CCDC91: variants seen among roughly 807,000 people sequenced by gnomAD.
CCDC91 encodes the protein coiled-coil domain-containing protein 91.
Under a neutral mutation model 63.2 loss-of-function variants are expected in CCDC91, and 48 were observed. The observed-to-expected ratio is 0.76, with a 90% CI of 0.60 to 0.97. The LOEUF is 0.97. CCDC91 is among the 50% of genes least tolerant of loss of function. The pLI, the probability that CCDC91 is intolerant of heterozygous loss-of-function variation, is 0.00. For missense variants in CCDC91, 500 were observed against 494.6 expected (o/e 1.01, Z -0.10); for synonymous variants, 167 against 165.8 (o/e 1.01, Z -0.06).
intron 12 of CCDC91, 189 bp downstream of exon 12, chr12:28,484,354 G>A (rs1467132953): frequency 1.6e-5 from 5 of 310,878 alleles, no homozygotes; most frequent in Non-Finnish European, 3.0e-5. Context: ...AATCCCATCT[G>A]TCAGCAAAAA....
At chr12:28,517,458 A>G (rs150775357) in intron 12 of CCDC91, among the ~76,000 whole-genome samples, 1 of 151,980 alleles carries the variant, frequency 6.6e-6, no homozygotes, top group Admixed American at 6.6e-5. Flanking sequence ...CTGTATGGGT[A>G]CTTCTGTAAA....
chr12:28,286,694 A>G (rs1450822796), intron 3 of CCDC91, among the ~76,000 whole-genome samples: 1 of 152,212 alleles, frequency 6.6e-6, no homozygotes. Flanking sequence ...TCTTTATGAT[A>G]CAACAATTTA....
intron 6 of CCDC91, among the ~76,000 whole-genome samples, chr12:28,340,352 C>T (rs1227422947): frequency 1.3e-5 from 2 of 152,144 alleles, no homozygotes; most frequent in Non-Finnish European, 2.9e-5. Context: ...TATCATAGGT[C>T]ATGCAACCTC....
At chr12:28,521,868 A>G (rs190415746) in intron 12 of CCDC91, among the ~76,000 whole-genome samples, 9 of 152,290 alleles carry the variant, frequency 5.9e-5, no homozygotes, top group Middle Eastern at 3.4e-3. Flanking sequence ...CATATGCTGG[A>G]TTACACTTAT....
chr12:28,435,188 G>A (rs779385927), intron 8 of CCDC91, among the ~76,000 whole-genome samples: 2 of 150,794 alleles, frequency 1.3e-5, no homozygotes, highest in Non-Finnish European at 3.0e-5. Flanking sequence ...ACTTTAATTT[G>A]CTCCTCTTTT....
intron 12 of CCDC91, among the ~76,000 whole-genome samples, chr12:28,491,685 A>T (rs73087912): frequency 2.0e-5 from 3 of 151,846 alleles, no homozygotes; most frequent in Non-Finnish European, 2.9e-5. Context: ...GCAAATTTAT[A>T]TATAAAAATT....
chr12:28,369,829 C>A (rs1016240843), intron 7 of CCDC91, among the ~76,000 whole-genome samples: 1 of 152,174 alleles, frequency 6.6e-6, no homozygotes, highest in Non-Finnish European at 1.5e-5. Context: ...GGGCTTACAC[C>A]CTCTGAGGCA....
chr12:28,242,871 T>C (rs1565660786), intron 1 of CCDC91, among the ~76,000 whole-genome samples: 1 of 151,996 alleles, frequency 6.6e-6, no homozygotes, highest in Non-Finnish European at 1.5e-5. Flanking sequence ...TGAGATCTGG[T>C]TTAAAAGTGT....
chr12:28,347,597 A>G (rs929226734), intron 6 of CCDC91, among the ~76,000 whole-genome samples: 1 of 152,050 alleles, frequency 6.6e-6, no homozygotes, highest in Admixed American at 6.5e-5. Context: ...TTTAACCCCA[A>G]TTTTGCTAGA....
chr12:28,541,568 A>T (rs1942634245), intron 12 of CCDC91, among the ~76,000 whole-genome samples: 1 of 152,114 alleles, frequency 6.6e-6, no homozygotes, highest in African/African-American at 2.4e-5. Context: ...ATAAAAGTTG[A>T]ATTGATAAAA....
At chr12:28,194,974 A>G (rs1487416949) in intron 1 of CCDC91, among the ~76,000 whole-genome samples, 5 of 152,188 alleles carry the variant, frequency 3.3e-5, no homozygotes, top group South Asian at 4.1e-4. Flanking sequence ...AGCAGCAGCA[A>G]GATTTATTGC....
At chr12:28,479,014 G>C (rs111801917) in intron 11 of CCDC91, among the ~76,000 whole-genome samples, 4 of 152,270 alleles carry the variant, frequency 2.6e-5, no homozygotes, top group African/African-American at 9.6e-5. Context: ...CACTGTTGGT[G>C]GGACTGTAAA....
chr12:28,466,303 T>G (rs899437865), intron 11 of CCDC91, among the ~76,000 whole-genome samples: 39 of 152,074 alleles, frequency 2.6e-4, no homozygotes, highest in African/African-American at 8.2e-4. Context: ...TATTCAAAGG[T>G]ATAATAACAG....
chr12:28,302,692 A>G, intron 3 of CCDC91: 5 of 967,578 alleles, frequency 5.2e-6, no homozygotes, highest in Non-Finnish European at 4.9e-6. Context: ...GCTTGAGCAA[A>G]TGGTTTTTTG....
intron 7 of CCDC91, among the ~76,000 whole-genome samples, chr12:28,374,161 C>T (rs902164529): frequency 2.6e-5 from 4 of 152,114 alleles, no homozygotes; most frequent in Non-Finnish European, 5.9e-5. Context: ...GTTCCACCCC[C>T]CTTTCCTTGT....
At chr12:28,424,399 T>C (rs1005957194) in intron 8 of CCDC91, among the ~76,000 whole-genome samples, 24 of 152,184 alleles carry the variant, frequency 1.6e-4, no homozygotes, top group Middle Eastern at 3.2e-3. Context: ...CGTCAGAATG[T>C]TGGTGACAGG....
chr12:28,470,285 A>G (rs1180474528), intron 11 of CCDC91, among the ~76,000 whole-genome samples: 1 of 152,198 alleles, frequency 6.6e-6, no homozygotes, highest in Non-Finnish European at 1.5e-5. Flanking sequence ...ATTTGAAAAG[A>G]CATTTCTCAA....
At chr12:28,207,279 C>T (rs904417400) in intron 1 of CCDC91, among the ~76,000 whole-genome samples, 2 of 152,006 alleles carry the variant, frequency 1.3e-5, no homozygotes, top group African/African-American at 4.8e-5. Flanking sequence ...TTAGCTTTAC[C>T]TTAAGGATTT....
At chr12:28,479,055 C>T (rs948038264) in intron 11 of CCDC91, among the ~76,000 whole-genome samples, 33 of 152,166 alleles carry the variant, frequency 2.2e-4, no homozygotes, top group Non-Finnish European at 3.7e-4. Flanking sequence ...GACAGTATGG[C>T]GATTCCTCGA....
Sources: allele counts gnomAD v4.1 joint callset (sites outside exome capture counted in the v4.1 genomes callset), GRCh38; gene constraint gnomAD v4.1.1; transcripts MANE v1.5; gene names NCBI Gene and HGNC (gene_info 2026-07-23, HGNC 2026-07-21).